Variants in EPHA8 observed in about 807,000 individuals in gnomAD.
EPHA8 encodes the protein ephrin type-A receptor 8.
In EPHA8, 58 loss-of-function variants were observed where a neutral mutation model predicts 103.6. That is an observed-to-expected ratio of 0.56 (90% CI 0.45 to 0.70). EPHA8 has a LOEUF of 0.70. Ranked by LOEUF, EPHA8 falls within the 30% of genes least tolerant of loss-of-function variation. The probability of loss-of-function intolerance (pLI) is 0.00; values close to 1 mark genes in which losing one functional copy is unlikely to be tolerated. For synonymous variants in EPHA8, 559 were observed against 572.5 expected, an observed-to-expected ratio of 0.98 and a Z score of 0.34; for missense variants, 1,304 against 1,395.2, an observed-to-expected ratio of 0.93 and a Z score of 1.04.
intron 15 of EPHA8, 98 bp downstream of exon 15, chr1:22,601,186 GC>G (rs1478621841): frequency 2.6e-5 from 39 of 1,528,768 alleles, no homozygotes; most frequent in Non-Finnish European, 3.3e-5. Flanking sequence ...CTAGGACCAG[GC>G]CCAGCCTGGG....
chr1:22,578,684 AGT>A (rs1362715103), intron 3 of EPHA8, among the ~76,000 whole-genome samples: 1 of 125,898 alleles, frequency 7.9e-6, no homozygotes, highest in African/African-American at 3.5e-5. Context: ...TTTGTGCATG[AGT>A]GTATGTGTGC....
intron 4 of EPHA8, among the ~76,000 whole-genome samples, chr1:22,588,469 C>G (rs941678998): frequency 1.3e-5 from 2 of 152,196 alleles, no homozygotes; most frequent in African/African-American, 4.8e-5. Flanking sequence ...GTATCGGATC[C>G]GGCACAGAAG....
chr1:22,570,160 T>A (rs1368315972), intron 2 of EPHA8, among the ~76,000 whole-genome samples: 1 of 152,202 alleles, frequency 6.6e-6, no homozygotes, highest in African/African-American at 2.4e-5. Flanking sequence ...TTTATAATGA[T>A]CATTAACATT....
chr1:22,600,837 C>A (rs373317645), intron 14 of EPHA8, 27 bp downstream of exon 14: 107 of 1,590,218 alleles, frequency 6.7e-5, no homozygotes, highest in South Asian at 4.4e-4. Flanking sequence ...GGCAGGTCCG[C>A]GGGCGGTGGA....
chr1:22,567,215 T>A lies in EPHA8; in HGVS notation c.95-2074T>A, dbSNP rs1267185161. On this transcript the variant is annotated intron_variant, in intron 1 of 16. Transcript: ENST00000166244. The surrounding 1 kb of genome is among the most constrained non-coding windows in gnomAD (Gnocchi z 4.2). ...AGGCCAGGTCACAGAAGGGGCCCAG[T>A]CACCCCGAGACCTGTGTCTGGGATG... Among the ~76,000 whole-genome samples the A allele has an allele frequency of 6.6e-6, 1 of 152,090 alleles. No homozygotes were observed. The highest frequency in any genetic ancestry group is 1.5e-5 in the Non-Finnish European group (1 of 67,994).
At chr1:22,574,835 T>G (rs943356653) in intron 2 of EPHA8, among the ~76,000 whole-genome samples, 3 of 152,246 alleles carry the variant, frequency 2.0e-5, no homozygotes, top group African/African-American at 7.2e-5. Context: ...ATATGGTAAT[T>G]CTATTTTAAA....
intron 7 of EPHA8, among the ~76,000 whole-genome samples, chr1:22,593,993 C>T (rs557500417): frequency 3.2e-4 from 48 of 152,318 alleles, no homozygotes; most frequent in Non-Finnish European, 5.1e-4. Flanking sequence ...CCACCACACC[C>T]GGCTAATTTT....
At chr1:22,565,754 A>G (rs1475999463) in intron 1 of EPHA8, among the ~76,000 whole-genome samples, 6 of 152,164 alleles carry the variant, frequency 3.9e-5, no homozygotes, top group Admixed American at 3.3e-4. Context: ...GCTGAGGAAG[A>G]GGCAAGGTCT....
In EPHA8 at chr1:22,597,342, AC is replaced by A; in HGVS notation, c.1802del (p.Pro601ArgfsTer82). 4 of 1,590,196 alleles carry A rather than the reference AC, an allele frequency of 2.5e-6. No homozygotes were observed. The highest frequency in any genetic ancestry group is 3.4e-6 in the Non-Finnish European group (4 of 1,166,810). On this transcript the variant is annotated frameshift_variant, in exon 10 of 17. Transcript: ENST00000166244. LOFTEE classifies it high-confidence loss of function. The surrounding 1 kb of genome is among the most constrained non-coding windows in gnomAD (Gnocchi z 4.6). ...APPPVFLPLH[H>X]PPGKLPEPQF... is the part of the protein sequence containing the mutation. ...CCACCTGTCTTCCTGCCTCTGCATC[AC>A]CCCCCGGGAAAGCTCCCAGAGCCCC...
At chr1:22,571,082 C>CA (rs1229865914) in intron 2 of EPHA8, among the ~76,000 whole-genome samples, 1 of 152,214 alleles carries the variant, frequency 6.6e-6, no homozygotes, top group Non-Finnish European at 1.5e-5. Context: ...TTATCCCACT[C>CA]AGAGCATCGG....
intron 3 of EPHA8, among the ~76,000 whole-genome samples, chr1:22,579,375 GTGTA>G (rs1324344591): frequency 1.3e-5 from 2 of 150,612 alleles, no homozygotes; most frequent in African/African-American, 2.4e-5. Flanking sequence ...GTGTGCATGA[GTGTA>G]TGTGTGCACT....
intron 3 of EPHA8, among the ~76,000 whole-genome samples, chr1:22,583,252 G>C (rs1168724694): frequency 6.6e-6 from 1 of 152,256 alleles, no homozygotes; most frequent in Non-Finnish European, 1.5e-5. Flanking sequence ...ATTAATTCCC[G>C]GCCCAGCCTC....
Position 22,576,445 on chromosome 1 carries a change from G to C in EPHA8, c.388G>C (p.Asp130His). 1 of 1,614,028 alleles carries C rather than the reference G, an allele frequency of 6.2e-7. No individual in the cohort carries two copies. The highest frequency in any genetic ancestry group is 8.5e-7 in the Non-Finnish European group (1 of 1,180,036). Residue 130 changes from aspartate to histidine, a missense_variant, in exon 3 of 17, where the codon GAC (aspartate) becomes CAC (histidine). Asp to His is a moderately conservative substitution (Grantham distance 81). Coordinates refer to ENST00000166244, the MANE Select transcript of EPHA8 (RefSeq NM_020526.5). The surrounding 1 kb of genome is among the most constrained non-coding windows in gnomAD (Gnocchi z 4.8). ...ETFNLYYLES[D>H]RDLGASTQES... The stretch of plus-strand genomic sequence containing the variant: ...CTTCAACCTCTACTACCTGGAGTCG[G>C]ACCGCGACCTGGGGGCCAGCACACA...
At position 22,569,545 on chromosome 1, in the gene EPHA8, G is replaced by A. The variant is rs1640463855; in HGVS notation, c.159+192G>A. On this transcript the variant is annotated intron_variant, in intron 2 of 16. Transcript: ENST00000166244. This position sits in a 1 kb window ranked among gnomAD's most constrained non-coding sequence, Gnocchi z 4.5. Reference sequence around the variant, plus strand: ...GTGCATACAGACCCTTGAGATTACAGAACCAACCCTGGCACCAGATCCCTG... The same window carrying A: ...GTGCATACAGACCCTTGAGATTACAAAACCAACCCTGGCACCAGATCCCTG... 6.6e-6 allele frequency among the ~76,000 whole-genome samples: 1 copy of A among 152,192 alleles called. No homozygotes were observed. The highest frequency in any genetic ancestry group is 1.5e-5 in the Non-Finnish European group (1 of 68,030).
Position 22,576,463 on chromosome 1 carries a change from A to C in EPHA8, c.406A>C (p.Ser136Arg). 1.9e-6 allele frequency: 3 copies of C among 1,614,100 alleles called. No homozygotes were observed. Among genetic ancestry groups the C allele is most frequent in the Non-Finnish European group, 1.7e-6 (2 of 1,180,040 alleles). The change falls in exon 3 of 17, where the codon AGC becomes CGC. Residue 136 changes from serine to arginine, a missense_variant. Ser to Arg is a moderately radical substitution (Grantham distance 110). Coordinates refer to ENST00000166244, the MANE Select transcript of EPHA8 (RefSeq NM_020526.5). This position sits in a 1 kb window ranked among gnomAD's most constrained non-coding sequence, Gnocchi z 4.8. ...GGAGTCGGACCGCGACCTGGGGGCC[A>C]GCACACAAGAAAGCCAGTTCCTCAA... ...YLESDRDLGA[S>R]TQESQFLKID...
Position 22,569,784 on chromosome 1 carries a change from C to T in EPHA8, c.159+431C>T, listed in dbSNP as rs757976050. Among the ~76,000 whole-genome samples the T allele has an allele frequency of 6.6e-6, 1 of 152,104 alleles. No individual in the cohort carries two copies. Among genetic ancestry groups the T allele is most frequent in the South Asian group, 2.1e-4 (1 of 4,814 alleles). ...ATGTGGCCAAGCTCCCGGTCCTGGCCACAGACTCTGGACTCAGCCTTCAGG... is the reference window on the plus strand; with the variant it reads ...ATGTGGCCAAGCTCCCGGTCCTGGCTACAGACTCTGGACTCAGCCTTCAGG... On this transcript the variant is annotated intron_variant, in intron 2 of 16. Coordinates refer to ENST00000166244, the MANE Select transcript of EPHA8 (RefSeq NM_020526.5). The surrounding 1 kb of genome is among the most constrained non-coding windows in gnomAD (Gnocchi z 4.5).
At position 22,576,148 on chromosome 1, in the gene EPHA8, A is replaced by C; in HGVS notation, c.160-69A>C. 1 of 1,523,940 alleles carries C rather than the reference A, an allele frequency of 6.6e-7. No homozygotes were observed. The allele number at this position is 1,523,940 out of a possible 1,614,324, so 94.4% of individuals were successfully genotyped here. ...TTTGCCAGCGTCCCCAGCACAGAACACAGGGTCATTGGCAAAAGAGGGTGA... is the reference window on the plus strand; with the variant it reads ...TTTGCCAGCGTCCCCAGCACAGAACCCAGGGTCATTGGCAAAAGAGGGTGA... On this transcript the variant is annotated intron_variant, in intron 2 of 16. Transcript: ENST00000166244. This position sits in a 1 kb window ranked among gnomAD's most constrained non-coding sequence, Gnocchi z 4.8.
intron 3 of EPHA8, among the ~76,000 whole-genome samples, chr1:22,578,661 G>C (rs748858641): frequency 6.7e-6 from 1 of 149,842 alleles, no homozygotes; most frequent in Non-Finnish European, 1.5e-5. Flanking sequence ...GTGCATGTGA[G>C]TGTATGTATG....
chr1:22,578,850 CATGCATGTGTGT>C (rs1285384574), intron 3 of EPHA8, among the ~76,000 whole-genome samples: 4 of 144,344 alleles, frequency 2.8e-5, no homozygotes, highest in Admixed American at 1.4e-4. Context: ...TGCATGTGTG[CATGCATGTGTGT>C]ATATGCACGT....
Sources: gnomAD v4.1 joint callset for allele counts (sites outside exome capture counted in the v4.1 genomes callset) on GRCh38, gnomAD v4.1.1 for gene constraint, Gnocchi (gnomAD v3.1) non-coding constraint, MANE v1.5 for transcripts, NCBI Gene and HGNC (gene_info 2026-07-23, HGNC 2026-07-21) for gene names.